The following RGS6 variants were observed in gnomAD, a reference collection of about 807,000 sequenced individuals.
The protein encoded by RGS6 is regulator of G protein signaling 6.
In RGS6, 30 loss-of-function variants were observed where a neutral mutation model predicts 78.5. The ratio of observed to expected loss-of-function variants is 0.38; its 90% CI spans 0.29 to 0.52. The LOEUF is 0.52. Ranked by LOEUF, RGS6 falls within the 20% of genes least tolerant of loss-of-function variation. The probability of loss-of-function intolerance (pLI) is 0.85; values close to 1 mark genes in which losing one functional copy is unlikely to be tolerated. For missense variants in RGS6, 495 were observed against 609.7 expected (o/e 0.81, Z 1.98); for synonymous variants, 206 against 206.0 (o/e 1.00, Z 0.00).
chr14:72,019,250 A>G (rs1449064058), intron 2 of RGS6, among the ~76,000 whole-genome samples: 2 of 152,174 alleles, frequency 1.3e-5, no homozygotes, highest in African/African-American at 2.4e-5. Flanking sequence ...TCTGAACAGT[A>G]ATAACAGTGG....
At chr14:72,249,243 G>A (rs1205464555) in intron 2 of RGS6, among the ~76,000 whole-genome samples, 1 of 152,140 alleles carries the variant, frequency 6.6e-6, no homozygotes, top group African/African-American at 2.4e-5. Flanking sequence ...GGAAAGGCCT[G>A]GTTAAGAAGA....
At chr14:72,467,445 G>T (rs569555943) in intron 7 of RGS6, among the ~76,000 whole-genome samples, 7 of 152,194 alleles carry the variant, frequency 4.6e-5, no homozygotes, top group Admixed American at 2.6e-4. Context: ...GCCCCACTCT[G>T]CCAGGCCTTA....
chr14:72,113,206 G>A (rs570660535), intron 2 of RGS6, among the ~76,000 whole-genome samples: 7 of 152,352 alleles, frequency 4.6e-5, no homozygotes, highest in African/African-American at 1.7e-4. Context: ...GGTAGGAATG[G>A]TGCCTTATAT....
intron 2 of RGS6, among the ~76,000 whole-genome samples, chr14:72,309,170 G>C (rs2067962557): frequency 6.6e-6 from 1 of 152,166 alleles, no homozygotes; most frequent in Non-Finnish European, 1.5e-5. Flanking sequence ...GCTGTTCTAG[G>C]GAAGCCTGTC....
chr14:72,405,537 T>C (rs2092839620), intron 3 of RGS6, among the ~76,000 whole-genome samples: 1 of 152,214 alleles, frequency 6.6e-6, no homozygotes, highest in African/African-American at 2.4e-5. Context: ...AACATCCTTC[T>C]TTCTAAAGCA....
At position 72,003,851 on chromosome 14, in the gene RGS6, T is replaced by C. The variant is rs570437057; in HGVS notation, c.84+38976T>C. 2.6e-5 allele frequency among the ~76,000 whole-genome samples: 4 copies of C among 152,228 alleles called. No homozygotes were observed. The East Asian group carries it at 5.8e-4, about 22-fold the overall frequency. On this transcript the variant is annotated intron_variant, in intron 2 of 17. Coordinates refer to ENST00000553525, the MANE Select transcript of RGS6 (RefSeq NM_001204424.2). Reference sequence around the variant, plus strand: ...GCAACAGGGATGGATCTTTGTACCATATCATTCAGTCATAGGGTTCAGCTC... The same window carrying C: ...GCAACAGGGATGGATCTTTGTACCACATCATTCAGTCATAGGGTTCAGCTC...
intron 2 of RGS6, among the ~76,000 whole-genome samples, chr14:72,285,169 T>C (rs2062296864): frequency 6.6e-6 from 1 of 152,136 alleles, no homozygotes; most frequent in Non-Finnish European, 1.5e-5. Context: ...GTTAAGACTT[T>C]GGGGGACTAT....
rs374395567 is a variant in RGS6 at position 72,243,780 on chromosome 14, C to G, written c.85-108315C>G. On this transcript the variant is annotated intron_variant, in intron 2 of 17. Coordinates refer to ENST00000553525, the MANE Select transcript of RGS6 (RefSeq NM_001204424.2). ...TTTTTTTTTTTTCTTGTCTTTATAACCCTGTATCTGTTGTCACTGATTCAG... is the reference window on the plus strand; with the variant it reads ...TTTTTTTTTTTTCTTGTCTTTATAAGCCTGTATCTGTTGTCACTGATTCAG... Among the ~76,000 whole-genome samples, 9 of 151,502 alleles carry G rather than the reference C, an allele frequency of 5.9e-5. 1 individual carries two copies. Among genetic ancestry groups the G allele is most frequent in the African/African-American group, 2.2e-4 (9 of 41,322 alleles).
chr14:71,927,489 C>T (rs1489770124), upstream of RGS6, among the ~76,000 whole-genome samples: 5 of 152,000 alleles, frequency 3.3e-5, no homozygotes, highest in African/African-American at 1.2e-4. Context: ...CATACTGTCT[C>T]CTTGAGATGG....
At chr14:72,508,793 G>A (rs1192010639) in intron 13 of RGS6, among the ~76,000 whole-genome samples, 2 of 152,010 alleles carry the variant, frequency 1.3e-5, no homozygotes, top group Admixed American at 1.3e-4. Context: ...TGAACTGTAG[G>A]TTCTGATTTA....
intron 4 of RGS6, among the ~76,000 whole-genome samples, chr14:72,457,410 G>A (rs1231319350): frequency 6.6e-6 from 1 of 152,090 alleles, no homozygotes; most frequent in African/African-American, 2.4e-5. Context: ...TGTGGTAGAA[G>A]CATTGAGGTT....
the RGS6 span, among the ~76,000 whole-genome samples, chr14:72,587,029 C>T: frequency 6.6e-6 from 1 of 152,132 alleles, no homozygotes; most frequent in African/African-American, 2.4e-5. Flanking sequence ...AGGGCAACAG[C>T]CCCCAGAGTG....
intron 17 of RGS6, chr14:72,540,704 A>T (rs2097313690): frequency 7.4e-7 from 1 of 1,355,014 alleles, no homozygotes. Flanking sequence ...GCACAGTGTG[A>T]TAGGGAGAGG....
At chr14:71,941,528 CA>C (rs1233678463) in intron 1 of RGS6, among the ~76,000 whole-genome samples, 2 of 152,188 alleles carry the variant, frequency 1.3e-5, no homozygotes, top group Non-Finnish European at 2.9e-5. Context: ...TACACAATCA[CA>C]AGGTCCCACA....
chr14:72,430,871 C>T (rs1489000817), intron 3 of RGS6, among the ~76,000 whole-genome samples: 1 of 152,130 alleles, frequency 6.6e-6, no homozygotes, highest in African/African-American at 2.4e-5. Flanking sequence ...CAGCTGGTGT[C>T]TGTGGTCTGC....
At chr14:72,034,130 A>C (rs1396173802) in intron 2 of RGS6, among the ~76,000 whole-genome samples, 4 of 152,154 alleles carry the variant, frequency 2.6e-5, no homozygotes, top group Non-Finnish European at 1.5e-5. Flanking sequence ...TTGCTGTGTG[A>C]AGAGAGATAA....
the RGS6 span, among the ~76,000 whole-genome samples, chr14:71,892,219 C>T: frequency 6.6e-6 from 1 of 152,172 alleles, no homozygotes; most frequent in Non-Finnish European, 1.5e-5. Context: ...GGGTTGGATC[C>T]ACTTTAGAAG....
the RGS6 span, among the ~76,000 whole-genome samples, chr14:71,870,704 C>G: frequency 6.6e-6 from 1 of 152,200 alleles, no homozygotes; most frequent in African/African-American, 2.4e-5. Context: ...CCTGGAGGCC[C>G]TGGCTCAGAA....
intron 3 of RGS6, among the ~76,000 whole-genome samples, chr14:72,441,072 G>A (rs993373278): frequency 1.3e-5 from 2 of 152,164 alleles, no homozygotes; most frequent in Admixed American, 1.3e-4. Context: ...ATGTATGACT[G>A]TGTGAGTGTG....
Sources: gnomAD v4.1 joint callset for allele counts (sites outside exome capture counted in the v4.1 genomes callset) on GRCh38, gnomAD v4.1.1 for gene constraint, MANE v1.5 for transcripts, NCBI Gene and HGNC (gene_info 2026-07-23, HGNC 2026-07-21) for gene names.